The following CCDC192 variants were observed in gnomAD, a reference collection of about 807,000 sequenced individuals.
The protein encoded by CCDC192 is coiled-coil domain containing 192.
intron 5 of CCDC192, among the ~76,000 whole-genome samples, chr5:127,856,287 A>G (rs1751093160): frequency 6.6e-6 from 1 of 152,296 alleles, no homozygotes; most frequent in East Asian, 1.9e-4. Flanking sequence ...ATTAATCTTT[A>G]CTAGCTTCCA....
At chr5:127,741,753 A>T (rs566297395) in intron 2 of CCDC192, among the ~76,000 whole-genome samples, 1 of 152,306 alleles carries the variant, frequency 6.6e-6, no homozygotes, top group South Asian at 2.1e-4. Context: ...CATCTTTTGC[A>T]AGGTCCTTTT....
intron 3 of CCDC192, among the ~76,000 whole-genome samples, chr5:127,783,107 T>A (rs1313290409): frequency 6.6e-6 from 1 of 151,924 alleles, no homozygotes; most frequent in Non-Finnish European, 1.5e-5. Flanking sequence ...GTGATTCTTC[T>A]GCCTCAGCCT....
chr5:127,877,778 T>C (rs1444896894), intron 6 of CCDC192, among the ~76,000 whole-genome samples: 1 of 152,170 alleles, frequency 6.6e-6, no homozygotes, highest in Non-Finnish European at 1.5e-5. Context: ...CAATGAGGGC[T>C]GGCCCACCCC....
At chr5:127,759,642 A>C (rs1321740603) in intron 3 of CCDC192, among the ~76,000 whole-genome samples, 1 of 152,162 alleles carries the variant, frequency 6.6e-6, no homozygotes, top group African/African-American at 2.4e-5. Flanking sequence ...GTTCTCAAAA[A>C]CATCTGTTTA....
At chr5:127,864,875 T>C (rs1438242179) in intron 5 of CCDC192, among the ~76,000 whole-genome samples, 1 of 152,326 alleles carries the variant, frequency 6.6e-6, no homozygotes, top group South Asian at 2.1e-4. Flanking sequence ...TGGCTGGGCA[T>C]GGTGGTTCAC....
chr5:127,914,833 G>A (rs532241793), intron 6 of CCDC192, among the ~76,000 whole-genome samples: 62 of 152,244 alleles, frequency 4.1e-4, no homozygotes, highest in African/African-American at 1.5e-3. Context: ...ACTGACACAT[G>A]AATAAACTGA....
intron 5 of CCDC192, among the ~76,000 whole-genome samples, chr5:127,812,599 T>G (rs1238275463): frequency 1.3e-5 from 2 of 152,206 alleles, no homozygotes; most frequent in Non-Finnish European, 2.9e-5. Flanking sequence ...ATTATTTCAC[T>G]GTCTTCAAAA....
chr5:127,710,868 C>T (rs1002379524), intron 2 of CCDC192, among the ~76,000 whole-genome samples: 1 of 152,084 alleles, frequency 6.6e-6, no homozygotes, highest in Non-Finnish European at 1.5e-5. Context: ...TGGGATAATC[C>T]AGTAAGACTT....
chr5:127,780,997 G>T (rs560401965), intron 3 of CCDC192, among the ~76,000 whole-genome samples: 1 of 152,244 alleles, frequency 6.6e-6, no homozygotes, highest in South Asian at 2.1e-4. Flanking sequence ...ATCTTGAGTT[G>T]ATTTTTGTAT....
At chr5:127,799,247 G>T (rs1757345977) in intron 5 of CCDC192, among the ~76,000 whole-genome samples, 1 of 152,156 alleles carries the variant, frequency 6.6e-6, no homozygotes, top group African/African-American at 2.4e-5. Flanking sequence ...ACTGACTTGG[G>T]TAAAATATTG....
chr5:127,718,581 G>A (rs1026403888), intron 2 of CCDC192, among the ~76,000 whole-genome samples: 1 of 152,100 alleles, frequency 6.6e-6, no homozygotes, highest in Non-Finnish European at 1.5e-5. Context: ...TGTGAAAAAG[G>A]GAGATAAATA....
In CCDC192 at chr5:127,722,323, T is replaced by TA. The variant is rs1029330792; in HGVS notation, c.114+14564dup. On this transcript the variant is annotated intron_variant, in intron 2 of 6. Transcript: ENST00000514853. ...TTTAATTAGAGTACTTTTTTTTTTT[T>TA]ACTATTGTTTGAGCTCCTTATATAT... 4.6e-5 allele frequency among the ~76,000 whole-genome samples: 7 copies of TA among 152,028 alleles called. 1 individual carries two copies. The highest frequency in any genetic ancestry group is 2.1e-4 in the South Asian group (1 of 4,808).
At chr5:127,923,579 G>A (rs1019034514) in intron 6 of CCDC192, among the ~76,000 whole-genome samples, 2 of 152,058 alleles carry the variant, frequency 1.3e-5, no homozygotes, top group South Asian at 2.1e-4. Context: ...GGGTTTCACC[G>A]TGTTAGCCAG....
chr5:127,745,544 A>G (rs1046694983), intron 2 of CCDC192, among the ~76,000 whole-genome samples: 2 of 152,184 alleles, frequency 1.3e-5, no homozygotes, highest in African/African-American at 4.8e-5. Context: ...TAGATTGATC[A>G]TCTTGGCTAC....
chr5:127,757,520 TA>T (rs534793084), intron 3 of CCDC192, among the ~76,000 whole-genome samples: 97 of 152,152 alleles, frequency 6.4e-4, no homozygotes, highest in African/African-American at 2.2e-3. Context: ...CTTGAAAACA[TA>T]AAAACTTTAA....
intron 5 of CCDC192, among the ~76,000 whole-genome samples, chr5:127,850,223 G>A (rs138163243): frequency 6.6e-6 from 1 of 152,306 alleles, no homozygotes; most frequent in African/African-American, 2.4e-5. Flanking sequence ...AGGGCACCCA[G>A]CTCAGGGGCA....
At chr5:127,859,801 C>G (rs945861620) in intron 5 of CCDC192, among the ~76,000 whole-genome samples, 9 of 152,152 alleles carry the variant, frequency 5.9e-5, no homozygotes, top group Non-Finnish European at 1.0e-4. Flanking sequence ...CATCATCTAC[C>G]AATTTACTAA....
At chr5:127,857,585 GAA>G (rs879840839) in intron 5 of CCDC192, 1 of 152,276 alleles carries the variant, frequency 6.6e-6, no homozygotes, top group Admixed American at 6.5e-5. Flanking sequence ...GAGAGAGAGA[GAA>G]AGATTTATGT....
At chr5:127,812,886 G>C (rs1438792376) in intron 5 of CCDC192, among the ~76,000 whole-genome samples, 1 of 152,152 alleles carries the variant, frequency 6.6e-6, no homozygotes, top group African/African-American at 2.4e-5. Flanking sequence ...CACCTTTGCT[G>C]CCCTAACCTT....
Sources: gnomAD v4.1 joint callset for allele counts (sites outside exome capture counted in the v4.1 genomes callset) on GRCh38, gnomAD v4.1.1 for gene constraint, MANE v1.5 for transcripts, NCBI Gene and HGNC (gene_info 2026-07-23, HGNC 2026-07-21) for gene names.